SNAPC4: variants seen among roughly 807,000 people sequenced by gnomAD.
SNAPC4 encodes small nuclear RNA activating complex polypeptide 4.
SNAPC4 carries 127 observed loss-of-function variants against 151.3 expected under a neutral mutation model. The observed-to-expected ratio is 0.84, with a 90% CI of 0.73 to 0.97. The LOEUF (loss-of-function observed/expected upper bound fraction) is 0.97. Among genes scored for constraint, SNAPC4 ranks in the 50% least tolerant of loss-of-function variants. The pLI, the probability that SNAPC4 is intolerant of heterozygous loss-of-function variation, is 0.00. For missense variants in SNAPC4, 2,186 were observed against 1,935.0 expected, an observed-to-expected ratio of 1.13 and a Z score of -2.43; for synonymous variants, 1,002 against 824.4, an observed-to-expected ratio of 1.22 and a Z score of -3.69.
At position 136,378,727 on chromosome 9, in the gene SNAPC4, T is replaced by C; in HGVS notation, c.3100A>G (p.Lys1034Glu). ...GQSQAPAASR[K>E]QGLPEAPPFL... ...GGTGGCGCCTCAGGCAGGCCCTGCT[T>C]CCGGGATGCAGCGGGGGCCTGAGAC... Residue 1034 changes from lysine (K) to glutamate (E), a missense_variant, in exon 22 of 24, where the codon AAG (lysine) becomes GAG (glutamate). Physicochemically the swap from Lys to Glu is moderately conservative, Grantham distance 56. Coordinates refer to ENST00000684778, the MANE Select transcript of SNAPC4 (RefSeq NM_003086.4). 1 of 1,507,342 alleles carries C rather than the reference T, an allele frequency of 6.6e-7. No homozygotes were observed. The highest frequency in any genetic ancestry group is 8.9e-7 in the Non-Finnish European group (1 of 1,128,068). 93.4% of individuals were successfully genotyped at this position (1,507,342 alleles called of 1,614,324 possible). A position where few individuals can be genotyped will look rare whatever the true frequency, so the allele number is the denominator to read the frequency against.
At position 136,378,769 on chromosome 9, in the gene SNAPC4, C is replaced by A. The variant is rs372184757; in HGVS notation, c.3058G>T (p.Glu1020Ter). ...GPGQISVSCP[E>*]SGLGQSQAPA... ...GCCTGAGACTGTCCGAGACCACTCT[C>A]GGGGCAGCTCACAGAGATCTGGCCG... is the stretch of plus-strand genomic sequence containing the variant. The change falls in exon 22 of 24, where the codon GAG becomes TAG. Residue 1020 changes from glutamate to a stop codon, truncating the protein, a stop_gained. Coordinates refer to ENST00000684778, the MANE Select transcript of SNAPC4 (RefSeq NM_003086.4). LOFTEE classifies it high-confidence loss of function. 5 of 1,539,230 alleles carry A rather than the reference C, an allele frequency of 3.2e-6. No homozygotes were observed. In the East Asian group the frequency reaches 1.1e-4, roughly 35 times the overall value.
chr9:136,387,070 G>A (rs1169424366), intron 13 of SNAPC4, among the ~76,000 whole-genome samples: 7 of 152,220 alleles, frequency 4.6e-5, no homozygotes, highest in Admixed American at 1.3e-4. Context: ...TTAAATGAAC[G>A]CATCGCATGG....
Position 136,383,168 on chromosome 9 carries a change from C to T in SNAPC4, c.1983+18G>A, listed in dbSNP as rs551610258. 2.6e-6 allele frequency: 4 copies of T among 1,518,578 alleles called. No homozygotes were observed. The highest frequency in any genetic ancestry group is 4.5e-5 in the Admixed American group (2 of 44,640). 94.1% of individuals were successfully genotyped at this position (1,518,578 alleles called of 1,614,324 possible). On this transcript the variant is annotated intron_variant, in intron 16 of 23. Transcript: ENST00000684778. The surrounding 1 kb of genome is among the most constrained non-coding windows in gnomAD (Gnocchi z 4.2). ...CCGAAAGTGCACTTCCCGTGGTACACCCAGGGCCGGGGCCTACCTCCAGGG... is the reference window on the plus strand; with the variant it reads ...CCGAAAGTGCACTTCCCGTGGTACATCCAGGGCCGGGGCCTACCTCCAGGG...
rs776976979 is a variant in SNAPC4 at position 136,378,481 on chromosome 9, G to A, written c.3346C>T (p.Leu1116=). The change falls in exon 22 of 24, where the codon CTG becomes TTG. Residue 1116 remains leucine, a synonymous_variant. Coordinates refer to ENST00000684778, the MANE Select transcript of SNAPC4 (RefSeq NM_003086.4). ...AGLLATLLPP[L]TETRAAQGPR... is the part of the protein sequence containing the mutation. ...CCCTGGGCCGCCCGAGTCTCAGTCA[G>A]GGGAGGCAGCAGAGTGGCCAGCAGC... 8 of 1,591,286 alleles carry A rather than the reference G, an allele frequency of 5.0e-6. No homozygotes were observed. The highest frequency in any genetic ancestry group is 6.8e-6 in the Non-Finnish European group (8 of 1,174,030).
Position 136,395,278 on chromosome 9 carries a change from G to A in SNAPC4, c.471+20C>T, listed in dbSNP as rs1834224563. ...ACGGTGCAGAGCCTTGCCGACAAGA[G>A]CAGGGCCTCGGCCACTCACCACGCC... On this transcript the variant is annotated intron_variant, in intron 5 of 23. Coordinates refer to ENST00000684778, the MANE Select transcript of SNAPC4 (RefSeq NM_003086.4). 1 of 1,610,286 alleles carries A rather than the reference G, an allele frequency of 6.2e-7. No individual in the cohort carries two copies.
Position 136,381,982 on chromosome 9 carries a change from C to T in SNAPC4, c.2159G>A (p.Arg720Gln), listed in dbSNP as rs550104254. 4.7e-5 allele frequency: 75 copies of T among 1,611,268 alleles called. 1 individual carries two copies. In the South Asian group the frequency reaches 7.2e-4, roughly 15 times the overall value. ...SVARSHVQWLRHRATQSGQRR... is the reference protein window; with the variant it reads ...SVARSHVQWLQHRATQSGQRR... ...CTGCCCACTCTGGGTGGCTCTGTGCCGTAGCCACTGCACATGGGATCGGGC... is the reference window on the plus strand; with the variant it reads ...CTGCCCACTCTGGGTGGCTCTGTGCTGTAGCCACTGCACATGGGATCGGGC... Residue 720 changes from arginine to glutamine, a missense_variant, in exon 18 of 24, where the codon CGG (arginine) becomes CAG (glutamine). Arg to Gln is a conservative substitution (Grantham distance 43). Coordinates refer to ENST00000684778, the MANE Select transcript of SNAPC4 (RefSeq NM_003086.4).
Position 136,378,678 on chromosome 9 carries a change from G to C in SNAPC4, c.3149C>G (p.Pro1050Arg), listed in dbSNP as rs765001874. 2.0e-6 allele frequency: 3 copies of C among 1,499,532 alleles called. No individual in the cohort carries two copies. In the East Asian group the frequency reaches 7.1e-5, roughly 36 times the overall value. 92.9% of individuals were successfully genotyped at this position (1,499,532 alleles called of 1,614,324 possible). The change falls in exon 22 of 24, where the codon CCC becomes CGC. Residue 1050 changes from proline to arginine, a missense_variant. Physicochemically the swap from Pro to Arg is moderately radical, Grantham distance 103. Transcript: ENST00000684778. ...GAGGGGCTGGACGGGCAGTGGGGTGGGGCTGGGGGCTGCGGGGAGAAAGGG... is the reference window on the plus strand; with the variant it reads ...GAGGGGCTGGACGGGCAGTGGGGTGCGGCTGGGGGCTGCGGGGAGAAAGGG... Reference protein sequence around the residue: ...APPFLPAAPSPTPLPVQPLSL... With the variant: ...APPFLPAAPSRTPLPVQPLSL...
intron 18 of SNAPC4, 45 bp from the exon 19 acceptor site, chr9:136,381,437 G>A: frequency 6.6e-7 from 1 of 1,514,324 alleles, no homozygotes; most frequent in Non-Finnish European, 9.2e-7. Context: ...CAGCTCCCAT[G>A]GGCACAGGGG....
intron 17 of SNAPC4, 21 bp downstream of exon 17, chr9:136,382,232 G>T (rs1241732393): frequency 3.1e-6 from 5 of 1,610,646 alleles, no homozygotes; most frequent in African/African-American, 1.3e-5. Flanking sequence ...CGTGCGCGTG[G>T]GTGTCTGCAG....
intron 13 of SNAPC4, among the ~76,000 whole-genome samples, 185 bp downstream of exon 13, chr9:136,387,300 C>T (rs761473583): frequency 3.9e-5 from 6 of 152,192 alleles, no homozygotes; most frequent in East Asian, 3.9e-4. Flanking sequence ...ACAGCTCAGC[C>T]GGGCCAACCC....
rs763428010 is a variant in SNAPC4 at position 136,378,370 on chromosome 9, G to A, written c.3457C>T (p.Pro1153Ser). ...GAGAGGGCGTGTGTGGGAGGAGCTG[G>A]GGTGTCTGTCCTGCAGGAAGGCTCC... Reference protein sequence around the residue: ...EPEPSCRTDTPAPPTHALSQS... With the variant: ...EPEPSCRTDTSAPPTHALSQS... The change falls in exon 22 of 24, where the codon CCA (proline) becomes TCA (serine). Residue 1153 changes from proline to serine, a missense_variant. Transcript: ENST00000684778. 5 of 1,611,264 alleles carry A rather than the reference G, an allele frequency of 3.1e-6. No individual in the cohort carries two copies. The Admixed American group carries it at 5.0e-5, about 16-fold the overall frequency.
intron 10 of SNAPC4, among the ~76,000 whole-genome samples, 189 bp downstream of exon 10, chr9:136,391,753 C>T (rs1486127748): frequency 2.6e-5 from 4 of 152,244 alleles, no homozygotes; most frequent in East Asian, 1.9e-4. Flanking sequence ...AGAGGAGCTG[C>T]GGCAATGGCC....
chr9:136,379,449 AAGTCAC>A (rs1192330600), intron 21 of SNAPC4, 150 bp from the exon 22 acceptor site: 3 of 1,290,428 alleles, frequency 2.3e-6, no homozygotes, highest in African/African-American at 1.5e-5. Context: ...TGGGTCTCCC[AAGTCAC>A]AGTGGCTACC....
intron 5 of SNAPC4, 133 bp downstream of exon 5, chr9:136,395,165 C>A (rs1834219743): frequency 8.7e-7 from 1 of 1,150,334 alleles, no homozygotes; most frequent in Non-Finnish European, 1.2e-6. Context: ...ACGGAGGAGG[C>A]AGTTTGAAGG....
Position 136,394,869 on chromosome 9 carries a change from C to G in SNAPC4, c.481G>C (p.Ala161Pro), listed in dbSNP as rs1447440804. The G allele has an allele frequency of 6.2e-7, 1 of 1,613,786 alleles. No homozygotes were observed. The highest frequency in any genetic ancestry group is 1.3e-5 in the African/African-American group (1 of 75,060). The change falls in exon 6 of 24, where the codon GCC becomes CCC. Residue 161 changes from alanine to proline, a missense_variant. Coordinates refer to ENST00000684778, the MANE Select transcript of SNAPC4 (RefSeq NM_003086.4). ...KDKVTGVGPPANEDTREKAAQ... is the reference protein window; with the variant it reads ...KDKVTGVGPPPNEDTREKAAQ... ...GCCTTCTCTCGTGTGTCCTCGTTGG[C>G]AGGTGGCCCCTGTCAGGGTGCACGG...
In SNAPC4 at chr9:136,392,828, G is replaced by A. The variant is rs377488332; in HGVS notation, c.633-51C>T. 7.6e-5 allele frequency: 113 copies of A among 1,479,558 alleles called. 1 individual carries two copies. In the South Asian group the frequency reaches 1.0e-3, roughly 13 times the overall value. 91.7% of individuals were successfully genotyped at this position (1,479,558 alleles called of 1,614,324 possible). Reference sequence around the variant, plus strand: ...GGCTGGGGCACGAGGGCTGCGGGGCGGGGCAGGTTCTCTGCACATTACAGG... The same window carrying A: ...GGCTGGGGCACGAGGGCTGCGGGGCAGGGCAGGTTCTCTGCACATTACAGG... On this transcript the variant is annotated intron_variant, in intron 7 of 23. Transcript: ENST00000684778.
intron 11 of SNAPC4, among the ~76,000 whole-genome samples, 187 bp from the exon 12 acceptor site, chr9:136,388,035 AG>A (rs1268031604): frequency 6.6e-6 from 1 of 152,330 alleles, no homozygotes; most frequent in South Asian, 2.1e-4. Context: ...TGGGAGGCAG[AG>A]GCTGGCGGAT....
chr9:136,394,070 A>C (rs1724507086), intron 7 of SNAPC4, among the ~76,000 whole-genome samples, 179 bp downstream of exon 7: 1 of 152,170 alleles, frequency 6.6e-6, no homozygotes, highest in Non-Finnish European at 1.5e-5. Flanking sequence ...GGTGTGCACC[A>C]CCACACCCAG....
At position 136,387,504 on chromosome 9, in the gene SNAPC4, C is replaced by G. The variant is rs1177709176; in HGVS notation, c.1306G>C (p.Asp436His). 1 of 1,613,310 alleles carries G rather than the reference C, an allele frequency of 6.2e-7. No individual in the cohort carries two copies. Among genetic ancestry groups the G allele is most frequent in the Non-Finnish European group, 8.5e-7 (1 of 1,179,360 alleles). ...KIREEVPGRS[D>H]AQCRDRYLRR... ...ACTCACCGATCTCGGCACTGGGCAT[C>G]GCTCCTACCTGGCACCTCTTCCCGG... The change falls in exon 13 of 24, where the codon GAT becomes CAT. Residue 436 changes from aspartate (D) to histidine (H), a missense_variant. Coordinates refer to ENST00000684778, the MANE Select transcript of SNAPC4 (RefSeq NM_003086.4).
Sources: gnomAD v4.1 joint callset for allele counts (sites outside exome capture counted in the v4.1 genomes callset) on GRCh38, gnomAD v4.1.1 for gene constraint, Gnocchi (gnomAD v3.1) non-coding constraint, MANE v1.5 for transcripts, NCBI Gene and HGNC (gene_info 2026-07-23, HGNC 2026-07-21) for gene names.